The following ARHGEF7 variants were observed in gnomAD, a reference collection of about 807,000 sequenced individuals.
The protein encoded by ARHGEF7 is PAK-interacting exchange factor beta.
A neutral mutation model predicts 109.8 loss-of-function variants in ARHGEF7; 33 were observed. That is an observed-to-expected ratio of 0.30 (90% CI 0.23 to 0.40). The LOEUF (loss-of-function observed/expected upper bound fraction) is 0.40, where lower values mean the gene tolerates loss of function less well. Among genes scored for constraint, ARHGEF7 ranks in the 10% least tolerant of loss-of-function variants. The pLI, the probability that ARHGEF7 is intolerant of heterozygous loss-of-function variation, is 1.00. For synonymous variants in ARHGEF7, 458 were observed against 424.6 expected (o/e 1.08, Z -0.97); for missense variants, 938 against 1,098.5 (o/e 0.85, Z 2.07).
At position 111,115,630 on chromosome 13, in the gene ARHGEF7, T is replaced by C; in HGVS notation, c.104T>C (p.Leu35Pro). ...CCGGAGGGCTTTCTGCAGGCGTCGCTGAAGGATGGGGTGGTCCTCTGCAGG... is the reference window on the plus strand; with the variant it reads ...CCGGAGGGCTTTCTGCAGGCGTCGCCGAAGGATGGGGTGGTCCTCTGCAGG... The part of the protein sequence containing the change: ...SDPEGFLQAS[L>P]KDGVVLCRLL... The change falls in exon 1 of 22, where the codon CTG (leucine) becomes CCG (proline). Residue 35 changes from leucine to proline, a missense_variant. By Grantham distance (98) the Leu-to-Pro change is moderately conservative. This residue lies in a region of ARHGEF7 where 165 missense variants were observed against 125.8 expected (regional missense o/e 1.31). Transcript: ENST00000646102. The C allele has an allele frequency of 1.4e-6, 2 of 1,397,900 alleles. No individual in the cohort carries two copies. Among genetic ancestry groups the C allele is most frequent in the Non-Finnish European group, 1.9e-6 (2 of 1,060,350 alleles). 86.6% of individuals were successfully genotyped at this position (1,397,900 alleles called of 1,614,324 possible). A position where few individuals can be genotyped will look rare whatever the true frequency, so the allele number is the denominator to read the frequency against.
intron 8 of ARHGEF7, among the ~76,000 whole-genome samples, chr13:111,250,037 G>A (rs775763619): frequency 3.9e-5 from 6 of 152,192 alleles, no homozygotes; most frequent in East Asian, 1.9e-4. Flanking sequence ...ATTTGCAGGC[G>A]AGTCAGTTTG....
intron 17 of ARHGEF7, 62 bp from the exon 18 acceptor site, chr13:111,288,292 T>A: frequency 1.8e-6 from 2 of 1,101,980 alleles, no homozygotes; most frequent in Non-Finnish European, 2.7e-6. Flanking sequence ...ATTGCATTCG[T>A]CTCGCCAGTT....
intron 5 of ARHGEF7, among the ~76,000 whole-genome samples, chr13:111,231,302 CAAGAA>C (rs1256070480): frequency 2.6e-5 from 4 of 152,192 alleles, no homozygotes; most frequent in Non-Finnish European, 4.4e-5. Flanking sequence ...AGTGTGCTAG[CAAGAA>C]TAGATTGGTT....
chr13:111,168,109 G>A (rs1231174619), intron 2 of ARHGEF7, among the ~76,000 whole-genome samples: 3 of 152,232 alleles, frequency 2.0e-5, no homozygotes, highest in Non-Finnish European at 1.5e-5. Flanking sequence ...CTGAGGAGAG[G>A]GTCCTGGCTT....
intron 8 of ARHGEF7, among the ~76,000 whole-genome samples, chr13:111,251,236 G>A (rs1044208140): frequency 6.6e-6 from 1 of 152,206 alleles, no homozygotes; most frequent in Non-Finnish European, 1.5e-5. Context: ...AAAATTCCAG[G>A]GGCTTTGGGA....
chr13:111,253,332 C>T (rs563323345), intron 8 of ARHGEF7, among the ~76,000 whole-genome samples: 15 of 152,238 alleles, frequency 9.9e-5, no homozygotes, highest in South Asian at 2.1e-4. Flanking sequence ...ATCTTTTAAA[C>T]GAGTTTTTAA....
rs1297654194 is a variant in ARHGEF7 at position 111,239,979 on chromosome 13, G to A, written c.760-3893G>A. 1.3e-5 allele frequency among the ~76,000 whole-genome samples: 2 copies of A among 152,200 alleles called. No homozygotes were observed. Among genetic ancestry groups the A allele is most frequent in the Non-Finnish European group, 2.9e-5 (2 of 68,034 alleles). On this transcript the variant is annotated intron_variant, in intron 6 of 21. Transcript: ENST00000646102. The surrounding 1 kb of genome is among the most constrained non-coding windows in gnomAD (Gnocchi z 4.3). ...CTCTACATTGGGCTGGAAGGTCGAA[G>A]GGTGACTGGCTAGATGCCTTCCTAC...
At chr13:111,271,881 A>G (rs2092180492) in intron 9 of ARHGEF7, among the ~76,000 whole-genome samples, 2 of 152,160 alleles carry the variant, frequency 1.3e-5, no homozygotes. Context: ...TTAAGTGTGT[A>G]TATGTATGTG....
rs2091676514 is a variant in ARHGEF7, at chr13:111,266,733, A to T, written c.951-815A>T. ...TCCCATTCCCTAGGTAGGAGGATGT[A>T]ATCCTTCTGGTAATATTGTGGGTAT... On this transcript the variant is annotated intron_variant, in intron 8 of 21. Transcript: ENST00000646102. This position sits in a 1 kb window ranked among gnomAD's most constrained non-coding sequence, Gnocchi z 4.8. 1 of 446,684 alleles carries T rather than the reference A, an allele frequency of 2.2e-6. No homozygotes were observed. The highest frequency in any genetic ancestry group is 7.1e-5 in the East Asian group (1 of 14,132). 27.7% of individuals were successfully genotyped at this position (446,684 alleles called of 1,614,324 possible). A position where few individuals can be genotyped will look rare whatever the true frequency, so the allele number is the denominator to read the frequency against.
chr13:111,302,991 G>A lies in ARHGEF7; in HGVS notation c.2467G>A (p.Asp823Asn). The part of the protein sequence containing the change: ...LKDEVQELRQ[D>N]NKKMKKSLEE... ...ACCCTGTGGTCTGCTTAATTTACAGGACAACAAAAAGATGAAGAAATCTCT... is the reference window on the plus strand; with the variant it reads ...ACCCTGTGGTCTGCTTAATTTACAGAACAACAAAAAGATGAAGAAATCTCT... The change falls in exon 22 of 22, where the codon GAC becomes AAC. Residue 823 changes from aspartate (D) to asparagine (N), a missense_variant and splice_region_variant. Physicochemically the swap from Asp to Asn is conservative, Grantham distance 23. Around this residue, in one of 4 missense-constraint regions of ARHGEF7, gnomAD observed 166 missense variants for 167.3 expected, o/e 0.99. Coordinates refer to ENST00000646102, the MANE Select transcript of ARHGEF7 (RefSeq NM_001354046.2). 1 of 1,614,028 alleles carries A rather than the reference G, an allele frequency of 6.2e-7. No homozygotes were observed. Among genetic ancestry groups the A allele is most frequent in the Non-Finnish European group, 8.5e-7 (1 of 1,179,960 alleles).
intron 2 of ARHGEF7, among the ~76,000 whole-genome samples, chr13:111,175,643 T>C (rs891479565): frequency 6.6e-6 from 1 of 152,090 alleles, no homozygotes; most frequent in Non-Finnish European, 1.5e-5. Context: ...CTCCAGGCGC[T>C]TTGAAAGGTA....
intron 5 of ARHGEF7, among the ~76,000 whole-genome samples, chr13:111,229,345 A>T (rs2085693983): frequency 6.6e-6 from 1 of 152,218 alleles, no homozygotes; most frequent in South Asian, 2.1e-4. Context: ...GTGCTGTATT[A>T]TCTATTCCTC....
chr13:111,218,346 AGTT>A (rs1241211992), intron 5 of ARHGEF7, among the ~76,000 whole-genome samples: 1 of 152,108 alleles, frequency 6.6e-6, no homozygotes, highest in Non-Finnish European at 1.5e-5. Context: ...TATGTTTTGT[AGTT>A]GTTCACATTG....
intron 15 of ARHGEF7, among the ~76,000 whole-genome samples, chr13:111,281,504 T>TTC (rs1346595778): frequency 6.6e-6 from 1 of 152,210 alleles, no homozygotes; most frequent in Non-Finnish European, 1.5e-5. Context: ...TACTCTGATA[T>TTC]TCTCATCAGA....
intron 1 of ARHGEF7, among the ~76,000 whole-genome samples, chr13:111,148,767 C>T (rs2075742931): frequency 6.6e-6 from 1 of 152,202 alleles, no homozygotes; most frequent in South Asian, 2.1e-4. Context: ...ACTTTAACGA[C>T]TGAAATGTTG....
intron 5 of ARHGEF7, among the ~76,000 whole-genome samples, chr13:111,222,112 C>T (rs1412579658): frequency 6.6e-6 from 1 of 152,074 alleles, no homozygotes; most frequent in Non-Finnish European, 1.5e-5. Context: ...ATGTGAATCT[C>T]CTTTAGCAAC....
At chr13:111,292,676 A>G in intron 19 of ARHGEF7, 1 of 1,066,078 alleles carries the variant, frequency 9.4e-7, no homozygotes, top group Non-Finnish European at 1.1e-6. Flanking sequence ...TTTCTATTTT[A>G]TACTGAAATC....
chr13:111,277,682 C>T lies in ARHGEF7; in HGVS notation c.1506+9C>T, dbSNP rs772396410. 26 of 1,544,426 alleles carry T rather than the reference C, an allele frequency of 1.7e-5. No individual in the cohort carries two copies. The highest frequency in any genetic ancestry group is 2.1e-5 in the Non-Finnish European group (24 of 1,122,088). On this transcript the variant is annotated intron_variant, in intron 13 of 21. Coordinates refer to ENST00000646102, the MANE Select transcript of ARHGEF7 (RefSeq NM_001354046.2). ...GTGGCTTTATCTATCAGGTAAAACA[C>T]AATTTAAATTTATATTTTATTGTGG...
At chr13:111,184,690 T>C (rs547095546) in intron 2 of ARHGEF7, among the ~76,000 whole-genome samples, 1 of 152,334 alleles carries the variant, frequency 6.6e-6, no homozygotes, top group East Asian at 1.9e-4. Flanking sequence ...GTTCTCTTTG[T>C]GCTATGCTGT....
Sources: gnomAD v4.1 joint callset for allele counts (sites outside exome capture counted in the v4.1 genomes callset) on GRCh38, gnomAD v4.1.1 for gene constraint, gnomAD v4.1.1 regional missense constraint, Gnocchi (gnomAD v3.1) non-coding constraint, MANE v1.5 for transcripts, NCBI Gene and HGNC (gene_info 2026-07-23, HGNC 2026-07-21) for gene names.